Variants in PAK5 observed in about 807,000 individuals in gnomAD.
PAK5 encodes the protein serine/threonine-protein kinase PAK 5.
PAK5 carries 16 observed loss-of-function variants against 65.9 expected under a neutral mutation model. That is an observed-to-expected ratio of 0.24 (90% CI 0.16 to 0.37). PAK5 has a LOEUF of 0.37. Ranked by LOEUF, PAK5 falls within the 10% of genes least tolerant of loss-of-function variation. PAK5 has a pLI of 1.00. For missense variants in PAK5, 785 were observed against 903.9 expected, an observed-to-expected ratio of 0.87 and a Z score of 1.69; for synonymous variants, 371 against 354.9, an observed-to-expected ratio of 1.05 and a Z score of -0.51.
intron 5 of PAK5, among the ~76,000 whole-genome samples, 191 bp from the exon 6 acceptor site, chr20:9,563,215 T>C (rs1213306264): frequency 2.0e-5 from 3 of 151,946 alleles, no homozygotes; most frequent in African/African-American, 7.3e-5. Flanking sequence ...AGGTAGCAAA[T>C]TTGAGAGAAA....
chr20:9,605,381 T>A lies in PAK5; in HGVS notation c.205-24451A>T, dbSNP rs182533636. On this transcript the variant is annotated intron_variant, in intron 3 of 9. Coordinates refer to ENST00000353224, the MANE Select transcript of PAK5 (RefSeq NM_177990.4). ...TGTTCAGGGGATATGAAGCAGGGCATCTTCATGACTGCTGTAGCCAGCTTT... is the reference window on the plus strand; with the variant it reads ...TGTTCAGGGGATATGAAGCAGGGCAACTTCATGACTGCTGTAGCCAGCTTT... 7.8e-4 allele frequency among the ~76,000 whole-genome samples: 119 copies of A among 152,312 alleles called. 1 individual carries two copies. The Middle Eastern group carries it at 0.031, about 39-fold the overall frequency.
At chr20:9,602,814 G>C (rs2046384947) in intron 3 of PAK5, among the ~76,000 whole-genome samples, 1 of 152,130 alleles carries the variant, frequency 6.6e-6, no homozygotes, top group Admixed American at 6.5e-5. Flanking sequence ...TCCCCATCTT[G>C]CCTGAACTGT....
chr20:9,766,276 T>C lies in PAK5; in HGVS notation c.-161-54841A>G, dbSNP rs1461248292. Among the ~76,000 whole-genome samples the C allele has an allele frequency of 2.1e-5, 3 of 145,384 alleles. No individual in the cohort carries two copies. The Admixed American group carries it at 2.1e-4, about 10-fold the overall frequency. On this transcript the variant is annotated intron_variant, in intron 1 of 9. Transcript: ENST00000353224. ...TATATGTTCTAATTGAATATATATA[T>C]ATTCTAATTGAATATATATATATTC...
intron 1 of PAK5, among the ~76,000 whole-genome samples, chr20:9,811,689 G>A (rs2049300111): frequency 2.6e-5 from 4 of 152,124 alleles, no homozygotes; most frequent in Admixed American, 2.6e-4. Context: ...TCCAGCACTT[G>A]AATACATGTA....
At chr20:9,679,121 A>G (rs550023271) in intron 2 of PAK5, among the ~76,000 whole-genome samples, 23 of 152,206 alleles carry the variant, frequency 1.5e-4, no homozygotes, top group African/African-American at 5.1e-4. Flanking sequence ...GATATATACA[A>G]TGGTCCACTT....
intron 1 of PAK5, among the ~76,000 whole-genome samples, chr20:9,716,508 T>G (rs567956685): frequency 6.6e-6 from 1 of 152,364 alleles, no homozygotes; most frequent in East Asian, 1.9e-4. Context: ...AAATGCATTT[T>G]GTAAATTTCT....
intron 3 of PAK5, among the ~76,000 whole-genome samples, chr20:9,632,303 TG>T (rs1010477570): frequency 6.6e-6 from 1 of 152,142 alleles, no homozygotes; most frequent in Admixed American, 6.5e-5. Context: ...GCTTGTGATC[TG>T]GGGGGTATGC....
At chr20:9,660,843 G>C (rs78954886) in intron 2 of PAK5, among the ~76,000 whole-genome samples, 12,756 of 152,160 alleles carry the variant, frequency 0.084, 686 homozygotes, top group Non-Finnish European at 0.12. Flanking sequence ...GCCAAACAGA[G>C]GGACATGAGA....
intron 1 of PAK5, among the ~76,000 whole-genome samples, chr20:9,788,129 A>G (rs953855482): frequency 6.6e-6 from 1 of 152,132 alleles, no homozygotes; most frequent in Non-Finnish European, 1.5e-5. Flanking sequence ...ATGTGATTTT[A>G]TACCAATGAT....
At chr20:9,827,380 T>A (rs1569103930) in intron 1 of PAK5, among the ~76,000 whole-genome samples, 1 of 152,200 alleles carries the variant, frequency 6.6e-6, no homozygotes, top group Non-Finnish European at 1.5e-5. Context: ...AGCACCGCCT[T>A]TTCACATTTG....
At chr20:9,642,416 G>C (rs1385800753) in intron 3 of PAK5, among the ~76,000 whole-genome samples, 6 of 152,158 alleles carry the variant, frequency 3.9e-5, no homozygotes, top group Admixed American at 3.9e-4. Flanking sequence ...CAATGATAAT[G>C]ATAATGATAC....
chr20:9,683,201 G>T (rs1308043130), intron 2 of PAK5, among the ~76,000 whole-genome samples: 2 of 152,164 alleles, frequency 1.3e-5, no homozygotes, highest in African/African-American at 4.8e-5. Flanking sequence ...CTGCAATTTA[G>T]GTTCCTGCCT....
chr20:9,544,646 T>C (rs1034702369), intron 7 of PAK5, 152 bp from the exon 8 acceptor site: 5 of 685,674 alleles, frequency 7.3e-6, no homozygotes, highest in Non-Finnish European at 9.8e-6. Context: ...GACCCTTTTA[T>C]TGGAAAGGCA....
intron 1 of PAK5, among the ~76,000 whole-genome samples, chr20:9,778,672 G>A (rs1228943803): frequency 6.6e-6 from 1 of 152,154 alleles, no homozygotes; most frequent in Non-Finnish European, 1.5e-5. Flanking sequence ...CTGATCCTAA[G>A]TTTTCATATA....
At chr20:9,678,464 G>A (rs534752805) in intron 2 of PAK5, among the ~76,000 whole-genome samples, 3 of 152,330 alleles carry the variant, frequency 2.0e-5, no homozygotes, top group African/African-American at 7.2e-5. Flanking sequence ...CTACGCAGGA[G>A]GCTGAGGCAG....
At chr20:9,715,146 T>G (rs2048127064) in intron 1 of PAK5, among the ~76,000 whole-genome samples, 1 of 152,194 alleles carries the variant, frequency 6.6e-6, no homozygotes, top group Admixed American at 6.5e-5. Flanking sequence ...AATCTACTCA[T>G]TTGACAAAGG....
intron 1 of PAK5, among the ~76,000 whole-genome samples, chr20:9,737,734 C>T (rs998041636): frequency 6.6e-6 from 1 of 152,132 alleles, no homozygotes. Context: ...AAAATATTTT[C>T]CATATCATTA....
At chr20:9,659,100 T>A (rs1183932106) in intron 2 of PAK5, among the ~76,000 whole-genome samples, 1 of 152,210 alleles carries the variant, frequency 6.6e-6, no homozygotes, top group East Asian at 1.9e-4. Context: ...CATCTAATTA[T>A]CAAACTTCTC....
chr20:9,670,303 G>A (rs556669210), intron 2 of PAK5, among the ~76,000 whole-genome samples: 2 of 152,180 alleles, frequency 1.3e-5, no homozygotes, highest in South Asian at 2.1e-4. Flanking sequence ...GGGATGGCTG[G>A]GTCAAATGGT....
Sources: gnomAD v4.1 joint callset for allele counts (sites outside exome capture counted in the v4.1 genomes callset) on GRCh38, gnomAD v4.1.1 for gene constraint, MANE v1.5 for transcripts, NCBI Gene and HGNC (gene_info 2026-07-23, HGNC 2026-07-21) for gene names.